The following GNAL variants were observed in gnomAD, a reference collection of about 807,000 sequenced individuals.
GNAL encodes the protein G protein subunit alpha L, also known as guanine nucleotide-binding protein G(olf) subunit alpha.
GNAL carries 18 observed loss-of-function variants against 55.1 expected under a neutral mutation model. The ratio of observed to expected loss-of-function variants is 0.33; its 90% CI spans 0.23 to 0.48. GNAL has a LOEUF of 0.48. Ranked by LOEUF, GNAL falls within the 20% of genes least tolerant of loss-of-function variation. The pLI is 0.99. For synonymous variants in GNAL, 253 were observed against 237.0 expected, an observed-to-expected ratio of 1.07 and a Z score of -0.62; for missense variants, 412 against 614.1, an observed-to-expected ratio of 0.67 and a Z score of 3.48.
In GNAL at chr18:11,872,356, G is replaced by A; in HGVS notation, c.1120G>A (p.Asp374Asn). The A allele has an allele frequency of 6.4e-7, 1 of 1,566,710 alleles. No homozygotes were observed. Among genetic ancestry groups the A allele is most frequent in the Non-Finnish European group, 8.6e-7 (1 of 1,158,910 alleles). Residue 374 changes from aspartate (D) to asparagine (N), a missense_variant, in exon 10 of 12, where the codon GAC (aspartate) becomes AAC (asparagine). Coordinates refer to ENST00000334049, the MANE Select transcript of GNAL (RefSeq NM_182978.4). ...CTTGGCAGGGAAATCAAAAATTGAA[G>A]ACTATTTCCCAGAATATGCAAATTA... ...KVLAGKSKIE[D>N]YFPEYANYTV...
At chr18:11,740,898 G>A (rs1302398498) in intron 1 of GNAL, among the ~76,000 whole-genome samples, 1 of 152,198 alleles carries the variant, frequency 6.6e-6, no homozygotes, top group Non-Finnish European at 1.5e-5. Flanking sequence ...CAACAGCCCT[G>A]CAAGTTTTAG....
At chr18:11,736,119 G>A (rs1160056878) in intron 1 of GNAL, among the ~76,000 whole-genome samples, 1 of 152,188 alleles carries the variant, frequency 6.6e-6, no homozygotes, top group Non-Finnish European at 1.5e-5. Flanking sequence ...ACTTCTGGCT[G>A]GGCATGGTGG....
At chr18:11,862,326 A>G (rs2036165777) in intron 5 of GNAL, 69 bp from the exon 6 acceptor site, 7 of 1,241,478 alleles carry the variant, frequency 5.6e-6, no homozygotes, top group Non-Finnish European at 8.3e-6. Flanking sequence ...ATGTCCCATT[A>G]ATTTCTCCCC....
At chr18:11,700,423 G>A (rs776548785) in intron 1 of GNAL, among the ~76,000 whole-genome samples, 46 of 152,230 alleles carry the variant, frequency 3.0e-4, no homozygotes, top group Non-Finnish European at 6.2e-4. Flanking sequence ...GCTTGGCTTG[G>A]CCAGGCCATG....
intron 4 of GNAL, among the ~76,000 whole-genome samples, chr18:11,814,048 A>G (rs1008448306): frequency 2.0e-5 from 3 of 152,328 alleles, no homozygotes; most frequent in South Asian, 2.1e-4. Context: ...ACTAATTTGC[A>G]TGGATCATAG....
At chr18:11,699,697 G>A (rs767701206) in intron 1 of GNAL, among the ~76,000 whole-genome samples, 4 of 152,132 alleles carry the variant, frequency 2.6e-5, no homozygotes, top group South Asian at 2.1e-4. Context: ...GAATTCCCTC[G>A]CTAGGGATGG....
intron 4 of GNAL, among the ~76,000 whole-genome samples, chr18:11,802,638 T>C (rs16976666): frequency 0.086 from 13,113 of 152,212 alleles, 1,002 homozygotes; most frequent in African/African-American, 0.21. Context: ...TATTTCTATA[T>C]CAGGCGTAAT....
Position 11,881,039 on chromosome 18 carries a change from C to T in GNAL, c.1281C>T (p.Phe427=), listed in dbSNP as rs745503749. The change falls in exon 12 of 12, where the codon TTC becomes TTT. Residue 427 remains phenylalanine (F), a synonymous_variant. Coordinates refer to ENST00000334049, the MANE Select transcript of GNAL (RefSeq NM_182978.4). This position sits in a 1 kb window ranked among gnomAD's most constrained non-coding sequence, Gnocchi z 4.8. ...GDGKHYCYPH[F]TCAVDTENIR... is the part of the protein sequence containing the mutation. ...GCAAACATTACTGCTACCCGCACTT[C>T]ACCTGCGCCGTGGACACAGAGAACA... 4.3e-6 allele frequency: 7 copies of T among 1,614,138 alleles called. 1 individual carries two copies. The highest frequency in any genetic ancestry group is 5.9e-6 in the Non-Finnish European group (7 of 1,179,976).
chr18:11,865,383 G>A (rs1019010927), intron 7 of GNAL, among the ~76,000 whole-genome samples: 3 of 149,250 alleles, frequency 2.0e-5, no homozygotes, highest in Non-Finnish European at 4.4e-5. Context: ...TTTTCCTGCC[G>A]TAGCGCTTCT....
At chr18:11,843,196 T>TAA (rs113159474) in intron 5 of GNAL, among the ~76,000 whole-genome samples, 22 of 139,944 alleles carry the variant, frequency 1.6e-4, no homozygotes, top group African/African-American at 5.8e-4. Flanking sequence ...ACCCTGTCGC[T>TAA]AAAAAAAAAA....
At chr18:11,763,375 GGTATC>G (rs2033305390) in intron 4 of GNAL, among the ~76,000 whole-genome samples, 1 of 152,064 alleles carries the variant, frequency 6.6e-6, no homozygotes, top group African/African-American at 2.4e-5. Flanking sequence ...CCACAGCACA[GGTATC>G]AAAATTAGGA....
chr18:11,818,852 G>A (rs747860683), intron 4 of GNAL, among the ~76,000 whole-genome samples: 1 of 152,192 alleles, frequency 6.6e-6, no homozygotes, highest in Non-Finnish European at 1.5e-5. Flanking sequence ...GAGTATTCCC[G>A]ACACTAAAAT....
chr18:11,851,547 G>A, intron 5 of GNAL: 10 of 1,607,838 alleles, frequency 6.2e-6, no homozygotes, highest in Non-Finnish European at 8.5e-6. Context: ...TCAACCTGAA[G>A]TTCGCGGCCA....
At chr18:11,798,254 C>T (rs992552282) in intron 4 of GNAL, among the ~76,000 whole-genome samples, 3 of 152,030 alleles carry the variant, frequency 2.0e-5, no homozygotes, top group East Asian at 3.9e-4. Context: ...GCTCATTATG[C>T]GCTATTAAAT....
In GNAL at chr18:11,840,975, G is replaced by T. The variant is rs142617589; in HGVS notation, c.722+15960G>T. ...TGCGGCCTGGACCTCCCAGGCTCAA[G>T]TGACCTCCCACCTCAGCCACCTGAA... is the stretch of plus-strand genomic sequence containing the variant. On this transcript the variant is annotated intron_variant, in intron 5 of 11. Transcript: ENST00000334049. Among the ~76,000 whole-genome samples, 117 of 150,502 alleles carry T rather than the reference G, an allele frequency of 7.8e-4. 3 individuals carry two copies. The East Asian group carries it at 0.023, about 29-fold the overall frequency.
intron 5 of GNAL, among the ~76,000 whole-genome samples, chr18:11,831,149 T>C (rs2143685705): frequency 6.6e-6 from 1 of 152,134 alleles, no homozygotes; most frequent in East Asian, 1.9e-4. Flanking sequence ...TTATAAGTTA[T>C]GTAAATTATA....
intron 1 of GNAL, among the ~76,000 whole-genome samples, chr18:11,732,405 G>A (rs2032359565): frequency 1.3e-5 from 2 of 152,120 alleles, no homozygotes; most frequent in African/African-American, 4.8e-5. Flanking sequence ...CTTTTGATTT[G>A]CAGTTCCTTA....
At chr18:11,736,300 C>T (rs182846701) in intron 1 of GNAL, among the ~76,000 whole-genome samples, 1 of 152,228 alleles carries the variant, frequency 6.6e-6, no homozygotes, top group South Asian at 2.1e-4. Context: ...GAGGCCAAGG[C>T]GGGAGGATCA....
chr18:11,869,432 C>T (rs762354420), intron 9 of GNAL, among the ~76,000 whole-genome samples: 5 of 152,082 alleles, frequency 3.3e-5, no homozygotes, highest in South Asian at 2.1e-4. Flanking sequence ...CGTGAGCCAC[C>T]GCACCCGGCC....
Sources: allele counts gnomAD v4.1 joint callset (sites outside exome capture counted in the v4.1 genomes callset), GRCh38; gene constraint gnomAD v4.1.1; non-coding constraint Gnocchi (gnomAD v3.1); transcripts MANE v1.5; gene names NCBI Gene and HGNC (gene_info 2026-07-23, HGNC 2026-07-21).